TRAF3IP3: variants seen among roughly 807,000 people sequenced by gnomAD.
TRAF3IP3 encodes TRAF3 interacting protein 3.
TRAF3IP3 carries 64 observed loss-of-function variants against 86.5 expected under a neutral mutation model. The ratio of observed to expected loss-of-function variants is 0.74; its 90% CI spans 0.60 to 0.91. TRAF3IP3 has a LOEUF of 0.91. Ranked by LOEUF, TRAF3IP3 falls within the 40% of genes least tolerant of loss-of-function variation. The pLI is 0.00. For synonymous variants in TRAF3IP3, 220 were observed against 243.9 expected (o/e 0.90, Z 0.91); for missense variants, 579 against 642.9 (o/e 0.90, Z 1.07).
chr1:209,760,127 C>T lies in TRAF3IP3; in HGVS notation c.88C>T (p.Arg30Cys), dbSNP rs546713777. ...CAAGTGTGAGCGCAGGCAAGAGATC[C>T]GTGAAAGCCGCCGCTGCCGTCCCAA... Reference protein sequence around the residue: ...EAKCERRQEIRESRRCRPNVT... With the variant: ...EAKCERRQEICESRRCRPNVT... The change falls in exon 3 of 17, where the codon CGT (arginine) becomes TGT (cysteine). Residue 30 changes from arginine to cysteine, a missense_variant. Transcript: ENST00000367025. 9.9e-6 allele frequency: 16 copies of T among 1,614,172 alleles called. No homozygotes were observed. The Admixed American group carries it at 1.8e-4, about 18-fold the overall frequency.
chr1:209,771,693 G>T (rs1198486171), intron 8 of TRAF3IP3, among the ~76,000 whole-genome samples: 1 of 149,710 alleles, frequency 6.7e-6, no homozygotes, highest in East Asian at 2.0e-4. Context: ...GTACGTGTGT[G>T]CAGGTGGAGG....
chr1:209,768,118 G>A, intron 8 of TRAF3IP3: 1 of 984,922 alleles, frequency 1.0e-6, no homozygotes, highest in Non-Finnish European at 1.2e-6. Flanking sequence ...TCCAATAAAA[G>A]TATAGCCCCA....
At chr1:209,770,544 TGGA>T (rs773884151) in intron 8 of TRAF3IP3, among the ~76,000 whole-genome samples, 2 of 144,710 alleles carry the variant, frequency 1.4e-5, no homozygotes, top group African/African-American at 2.6e-5. Flanking sequence ...CGTGTGCAGG[TGGA>T]GGTGTGTGTG....
chr1:209,761,102 A>G (rs1219402318), intron 3 of TRAF3IP3, among the ~76,000 whole-genome samples: 1 of 152,258 alleles, frequency 6.6e-6, no homozygotes, highest in Non-Finnish European at 1.5e-5. Flanking sequence ...CACACAGGCC[A>G]GTCTTCTTGA....
At chr1:209,766,310 T>C (rs1017654920) in intron 8 of TRAF3IP3, among the ~76,000 whole-genome samples, 1 of 152,218 alleles carries the variant, frequency 6.6e-6, no homozygotes, top group Non-Finnish European at 1.5e-5. Flanking sequence ...CTGAACTAAA[T>C]TGAGATCATC....
intron 8 of TRAF3IP3, among the ~76,000 whole-genome samples, chr1:209,766,448 G>A (rs758600439): frequency 2.4e-4 from 37 of 152,224 alleles, no homozygotes; most frequent in Non-Finnish European, 3.7e-4. Context: ...ACAGAGACAT[G>A]TAATAAATAA....
intron 3 of TRAF3IP3, among the ~76,000 whole-genome samples, chr1:209,762,065 T>C (rs1406508943): frequency 6.3e-5 from 5 of 79,424 alleles, no homozygotes; most frequent in African/African-American, 1.3e-4. Flanking sequence ...ATTGTCTTCG[T>C]CCTGTAATGA....
Position 209,760,246 on chromosome 1 carries a change from G to A in TRAF3IP3, c.207G>A (p.Arg69=), listed in dbSNP as rs1374980425. The A allele has an allele frequency of 6.2e-7, 1 of 1,614,258 alleles. No homozygotes were observed. Among genetic ancestry groups the A allele is most frequent in the Non-Finnish European group, 8.5e-7 (1 of 1,180,046 alleles). The change falls in exon 3 of 17, where the codon AGG becomes AGA. Residue 69 remains arginine (R), a synonymous_variant. Coordinates refer to ENST00000367025, the MANE Select transcript of TRAF3IP3 (RefSeq NM_025228.4). ...RARLQQFFRR[R]NLELEEKGKA... The stretch of plus-strand genomic sequence containing the variant: ...GACTGCAGCAGTTCTTCAGGAGGAG[G>A]AACCTGGAGCTAGAGGAGAAGGGCA...
At chr1:209,780,231 G>A (rs2077746784) in intron 14 of TRAF3IP3, 1 of 315,378 alleles carries the variant, frequency 3.2e-6, no homozygotes, top group Non-Finnish European at 5.8e-6. Flanking sequence ...AGATAAGACT[G>A]GGGATACAAA....
chr1:209,777,225 T>C, intron 11 of TRAF3IP3, 127 bp from the exon 12 acceptor site: 1 of 717,776 alleles, frequency 1.4e-6, no homozygotes, highest in Non-Finnish European at 2.2e-6. Flanking sequence ...TTTTCTCATC[T>C]CCCTAACATT....
chr1:209,759,926 AT>A (rs2102428102), intron 2 of TRAF3IP3, 55 bp from the exon 3 acceptor site: 1 of 834,932 alleles, frequency 1.2e-6, no homozygotes, highest in Non-Finnish European at 1.9e-6. Flanking sequence ...GGAGATAGTC[AT>A]TTTTCTGCCC....
intron 16 of TRAF3IP3, 67 bp from the exon 17 acceptor site, chr1:209,781,989 G>T (rs1055358360): frequency 1.5e-6 from 2 of 1,344,822 alleles, no homozygotes; most frequent in Non-Finnish European, 2.1e-6. Flanking sequence ...GAAGAAGAAA[G>T]ATTTTTGCCT....
intron 8 of TRAF3IP3, among the ~76,000 whole-genome samples, chr1:209,770,012 G>A (rs1011992719): frequency 2.6e-5 from 4 of 152,276 alleles, no homozygotes; most frequent in Non-Finnish European, 5.9e-5. Flanking sequence ...TCTACAAAGG[G>A]AGGGGACAAA....
At chr1:209,769,787 G>C (rs189961698) in intron 8 of TRAF3IP3, among the ~76,000 whole-genome samples, 1 of 152,154 alleles carries the variant, frequency 6.6e-6, no homozygotes, top group Non-Finnish European at 1.5e-5. Flanking sequence ...ATGGCGTCTC[G>C]GGCCTAAAGA....
At chr1:209,761,402 TC>T (rs1377341391) in intron 3 of TRAF3IP3, among the ~76,000 whole-genome samples, 1 of 152,204 alleles carries the variant, frequency 6.6e-6, no homozygotes, top group Non-Finnish European at 1.5e-5. Flanking sequence ...CAAACCATCT[TC>T]CTACTGAAGT....
At chr1:209,773,080 T>C (rs765121064) in intron 9 of TRAF3IP3, 61 bp downstream of exon 9, 11 of 1,422,196 alleles carry the variant, frequency 7.7e-6, no homozygotes, top group South Asian at 1.3e-5. Flanking sequence ...AAGAATGTTT[T>C]TGAACCTCAA....
In TRAF3IP3 at chr1:209,778,101, G is replaced by A. The variant is rs1452894843; in HGVS notation, c.1190-10G>A. 5.0e-6 allele frequency: 8 copies of A among 1,613,402 alleles called. No individual in the cohort carries two copies. Among genetic ancestry groups the A allele is most frequent in the South Asian group, 1.1e-5 (1 of 91,012 alleles). On this transcript the variant is annotated splice_polypyrimidine_tract_variant and intron_variant, in intron 12 of 16. Transcript: ENST00000367025. ...TTCCTTTATTTTGGCTTGCATTATT[G>A]CATTTTCAGATCAACTAAAAAGGTC...
intron 8 of TRAF3IP3, 133 bp from the exon 9 acceptor site, chr1:209,772,815 C>T: frequency 1.4e-6 from 1 of 722,138 alleles, no homozygotes; most frequent in Non-Finnish European, 2.4e-6. Flanking sequence ...CATCTTTGCT[C>T]CTGCCTGCCT....
intron 8 of TRAF3IP3, chr1:209,768,454 G>C: frequency 1.0e-6 from 1 of 985,540 alleles, no homozygotes. Context: ...GGCAGCCTTG[G>C]GTTTGAAGAT....
Sources: gnomAD v4.1 joint callset for allele counts (sites outside exome capture counted in the v4.1 genomes callset) on GRCh38, gnomAD v4.1.1 for gene constraint, MANE v1.5 for transcripts, NCBI Gene and HGNC (gene_info 2026-07-23, HGNC 2026-07-21) for gene names.